USP30: variants seen among roughly 807,000 people sequenced by gnomAD.
The protein encoded by USP30 is ubiquitin carboxyl-terminal hydrolase 30.
Under a neutral mutation model 68.2 loss-of-function variants are expected in USP30, and 41 were observed. The observed-to-expected ratio is 0.60, with a 90% CI of 0.47 to 0.78. The LOEUF (loss-of-function observed/expected upper bound fraction) is 0.78. USP30 is among the 30% of genes least tolerant of loss of function. USP30 has a pLI of 0.00. For synonymous variants in USP30, 229 were observed against 253.7 expected, an observed-to-expected ratio of 0.90 and a Z score of 0.93; for missense variants, 522 against 649.4, an observed-to-expected ratio of 0.80 and a Z score of 2.13.
chr12:109,072,220 C>T lies in USP30; in HGVS notation c.580-85C>T, dbSNP rs933588564. 14 of 1,223,790 alleles carry T rather than the reference C, an allele frequency of 1.1e-5. No individual in the cohort carries two copies. In the Admixed American group the frequency reaches 1.4e-4, roughly 12 times the overall value. The allele number at this position is 1,223,790 out of a possible 1,614,324, so 75.8% of individuals were successfully genotyped here. A position where few individuals can be genotyped will look rare whatever the true frequency, so the allele number is the denominator to read the frequency against. On this transcript the variant is annotated intron_variant, in intron 5 of 12. Coordinates refer to ENST00000257548, the MANE Select transcript of USP30 (RefSeq NM_032663.5). The stretch of plus-strand genomic sequence containing the variant: ...TTTAGTGGTGTAATCAACGTAGAAA[C>T]TTGTAAGGTTTAGGGGTGGGGTGAG...
In USP30 at chr12:109,070,685, C is replaced by T. The variant is rs1033296002; in HGVS notation, c.481-927C>T. On this transcript the variant is annotated intron_variant, in intron 4 of 12. Transcript: ENST00000257548. This position sits in a 1 kb window ranked among gnomAD's most constrained non-coding sequence, Gnocchi z 4.0. The stretch of plus-strand genomic sequence containing the variant: ...GCCTGTGTTGTGACCCCGTTACTCC[C>T]GGAAGAGTGAGGGGTGGCTTGGGTT... Among the ~76,000 whole-genome samples the T allele has an allele frequency of 2.0e-5, 3 of 152,076 alleles. No individual in the cohort carries two copies. The highest frequency in any genetic ancestry group is 7.2e-5 in the African/African-American group (3 of 41,406).
chr12:109,060,977 G>A (rs974706341), intron 3 of USP30, among the ~76,000 whole-genome samples: 2 of 151,966 alleles, frequency 1.3e-5, no homozygotes, highest in African/African-American at 4.8e-5. Context: ...TAGAGATGGG[G>A]TCTTGCTATG....
intron 8 of USP30, 105 bp downstream of exon 8, chr12:109,081,498 T>C: frequency 8.5e-7 from 1 of 1,177,056 alleles, no homozygotes; most frequent in Non-Finnish European, 1.2e-6. Context: ...GTAATTCAGA[T>C]ACATGGTTGG....
At position 109,070,351 on chromosome 12, in the gene USP30, G is replaced by A. The variant is rs1004703951; in HGVS notation, c.481-1261G>A. ...GTTCAGAGGGGTGGAGGCAGCTTTG[G>A]ATAATTGGTTGGGGAGTATGCCCTG... On this transcript the variant is annotated intron_variant, in intron 4 of 12. Coordinates refer to ENST00000257548, the MANE Select transcript of USP30 (RefSeq NM_032663.5). This position sits in a 1 kb window ranked among gnomAD's most constrained non-coding sequence, Gnocchi z 4.0. Among the ~76,000 whole-genome samples the A allele has an allele frequency of 6.6e-6, 1 of 152,164 alleles. No individual in the cohort carries two copies. Among genetic ancestry groups the A allele is most frequent in the Non-Finnish European group, 1.5e-5 (1 of 68,022 alleles).
upstream of USP30, among the ~76,000 whole-genome samples, chr12:109,052,146 A>C (rs1380264815): frequency 6.6e-6 from 1 of 152,224 alleles, no homozygotes; most frequent in Admixed American, 6.5e-5. Flanking sequence ...CACCCAAGTA[A>C]ACAATAAGTT....
At chr12:109,066,076 ACT>A (rs1290806935) in intron 3 of USP30, among the ~76,000 whole-genome samples, 5 of 151,738 alleles carry the variant, frequency 3.3e-5, no homozygotes, top group Non-Finnish European at 5.9e-5. Flanking sequence ...ACATGGTGAA[ACT>A]CTGTCACTAC....
intron 2 of USP30, among the ~76,000 whole-genome samples, chr12:109,027,271 A>G (rs1278439799): frequency 6.6e-6 from 1 of 151,662 alleles, no homozygotes; most frequent in Non-Finnish European, 1.5e-5. Context: ...CCTCTATTCT[A>G]CTTTCTTTTT....
intron 7 of USP30, among the ~76,000 whole-genome samples, chr12:109,076,410 C>CT (rs60618572): frequency 2.9e-5 from 4 of 135,656 alleles, no homozygotes; most frequent in Non-Finnish European, 3.2e-5. Flanking sequence ...ATCTTTATTC[C>CT]TTTTTTTTTT....
chr12:109,078,374 A>AGATCAC (rs2041677089), intron 7 of USP30, among the ~76,000 whole-genome samples: 1 of 151,838 alleles, frequency 6.6e-6, no homozygotes, highest in Non-Finnish European at 1.5e-5. Flanking sequence ...TGGTGAGCCG[A>AGATCAC]GATCACGCCA....
chr12:109,055,310 G>A (rs1171653944), intron 1 of USP30, among the ~76,000 whole-genome samples: 1 of 138,410 alleles, frequency 7.2e-6, no homozygotes, highest in African/African-American at 2.7e-5. Flanking sequence ...ATTCATTTCT[G>A]TATATTTTCT....
chr12:109,058,722 A>C (rs906971591), intron 3 of USP30, among the ~76,000 whole-genome samples: 1 of 152,252 alleles, frequency 6.6e-6, no homozygotes, highest in Non-Finnish European at 1.5e-5. Flanking sequence ...AGTAAAAAAA[A>C]AATGTCCGTT....
At chr12:109,036,814 C>T (rs192440885) in intron 3 of USP30, among the ~76,000 whole-genome samples, 124 of 151,996 alleles carry the variant, frequency 8.2e-4, no homozygotes, top group African/African-American at 2.9e-3. Flanking sequence ...ATTAAGTATA[C>T]CTTTTATGTG....
rs375145793 is a variant in USP30, at chr12:109,082,894, G to A, written c.1000G>A (p.Gly334Ser). The A allele has an allele frequency of 1.9e-5, 30 of 1,614,154 alleles. No individual in the cohort carries two copies. The highest frequency in any genetic ancestry group is 3.3e-5 in the Admixed American group (2 of 60,028). ...ACAGCGGCTGAGCTGGTCCAGCCAC[G>A]GCACGCCTCTGAAGCGGCATGAGCA... ...HLQRLSWSSH[G>S]TPLKRHEHVQ... is the part of the protein sequence containing the mutation. Residue 334 changes from glycine to serine, a missense_variant, in exon 11 of 13, where the codon GGC (glycine) becomes AGC (serine). Physicochemically the swap from Gly to Ser is moderately conservative, Grantham distance 56. Transcript: ENST00000257548.
chr12:109,048,733 C>A (rs2040629864), upstream of USP30, among the ~76,000 whole-genome samples: 1 of 138,820 alleles, frequency 7.2e-6, no homozygotes, highest in African/African-American at 2.8e-5. Context: ...GAGTGAGACT[C>A]TGTCTCAAAA....
chr12:109,045,709 C>T lies in USP30; in HGVS notation c.-135-1881C>T, dbSNP rs913313834. Among the ~76,000 whole-genome samples the T allele has an allele frequency of 2.6e-5, 4 of 152,016 alleles. No individual in the cohort carries two copies. In the South Asian group the frequency reaches 8.3e-4, roughly 32 times the overall value. On this transcript the variant is annotated intron_variant, in intron 3 of 15. Coordinates refer to the USP30 transcript ENST00000392784. ...GTAGGTACCTAGCATGGGGTCTTGT[C>T]GGTAACAAGTTTTGGCAGGTGGTTG...
chr12:109,049,047 G>A (rs571329808), upstream of USP30, among the ~76,000 whole-genome samples: 1 of 152,224 alleles, frequency 6.6e-6, no homozygotes, highest in Non-Finnish European at 1.5e-5. Flanking sequence ...CCTTGGCCAA[G>A]AGGGGGCCCA....
intron 3 of USP30, among the ~76,000 whole-genome samples, chr12:109,046,642 T>C (rs2040608016): frequency 6.6e-6 from 1 of 152,176 alleles, no homozygotes; most frequent in African/African-American, 2.4e-5. Context: ...GGGAAAAAGA[T>C]GAATTGCCTA....
chr12:109,085,390 C>G (rs956441938), intron 12 of USP30, among the ~76,000 whole-genome samples: 1 of 152,136 alleles, frequency 6.6e-6, no homozygotes, highest in Admixed American at 6.5e-5. Flanking sequence ...GGGTCATGCA[C>G]TCTATAAAGT....
chr12:109,039,001 A>T (rs2040542823), intron 3 of USP30, among the ~76,000 whole-genome samples: 1 of 152,208 alleles, frequency 6.6e-6, no homozygotes, highest in Admixed American at 6.5e-5. Context: ...CATATTCCGG[A>T]TACAAGTCTT....
Sources: allele counts gnomAD v4.1 joint callset (sites outside exome capture counted in the v4.1 genomes callset), GRCh38; gene constraint gnomAD v4.1.1; non-coding constraint Gnocchi (gnomAD v3.1); transcripts MANE v1.5; gene names NCBI Gene and HGNC (gene_info 2026-07-23, HGNC 2026-07-21).